Variants in VMP1 observed in about 807,000 individuals in gnomAD.
VMP1 encodes ectopic P-granules autophagy protein 3 homolog.
VMP1 carries 11 observed loss-of-function variants against 56.0 expected under a neutral mutation model. That is an observed-to-expected ratio of 0.20 (90% CI 0.12 to 0.32). The LOEUF is 0.32. Ranked by LOEUF, VMP1 falls within the 10% of genes least tolerant of loss-of-function variation. The pLI is 1.00. For missense variants in VMP1, 296 were observed against 490.3 expected (o/e 0.60, Z 3.74); for synonymous variants, 149 against 165.0 (o/e 0.90, Z 0.74).
chr17:59,821,545 T>G (rs922222444), intron 10 of VMP1, among the ~76,000 whole-genome samples: 2 of 14,378 alleles, frequency 1.4e-4, no homozygotes, highest in Non-Finnish European at 6.2e-4. Context: ...TTTTCTTTTT[T>G]TTTTTTTTTT....
rs1037971297 is a variant in VMP1 at position 59,708,368 on chromosome 17, A to G, written c.-27+620A>G. ...AACCCCGACCTCTATATCTTATTACAGTGGAGGTATTTGCAGTAAAACGTG... is the reference window on the plus strand; with the variant it reads ...AACCCCGACCTCTATATCTTATTACGGTGGAGGTATTTGCAGTAAAACGTG... On this transcript the variant is annotated intron_variant, in intron 1 of 11. Coordinates refer to ENST00000262291, the MANE Select transcript of VMP1 (RefSeq NM_030938.5). 2.6e-5 allele frequency among the ~76,000 whole-genome samples: 4 copies of G among 152,174 alleles called. No homozygotes were observed. In the South Asian group the frequency reaches 6.2e-4, roughly 24 times the overall value.
intron 1 of VMP1, among the ~76,000 whole-genome samples, chr17:59,718,219 C>T (rs1186947203): frequency 3.1e-5 from 3 of 97,096 alleles, no homozygotes; most frequent in East Asian, 6.9e-4. Flanking sequence ...TTTTGTGAGA[C>T]GGAGTCTCGC....
intron 7 of VMP1, among the ~76,000 whole-genome samples, chr17:59,794,255 C>A: frequency 8.3e-6 from 1 of 119,906 alleles, no homozygotes; most frequent in African/African-American, 3.3e-5. Flanking sequence ...CAGAGTCTCA[C>A]TCTGTTGCCC....
intron 6 of VMP1, among the ~76,000 whole-genome samples, chr17:59,772,890 C>T (rs11650106): frequency 0.42 from 62,110 of 149,160 alleles, 14,635 homozygotes; most frequent in Non-Finnish European, 0.53. Context: ...ATTAAAGCAA[C>T]TTCTGAAGTT....
chr17:59,790,641 T>TACTAAAAAAAAAAA (rs1182702076), intron 7 of VMP1, among the ~76,000 whole-genome samples: 1 of 152,058 alleles, frequency 6.6e-6, no homozygotes, highest in East Asian at 1.9e-4. Context: ...AATACAAAAA[T>TACTAAAAAAAAAAA]TAGCCGGGCA....
chr17:59,810,920 G>A (rs1431337076), intron 8 of VMP1, among the ~76,000 whole-genome samples: 2 of 152,176 alleles, frequency 1.3e-5, no homozygotes, highest in Non-Finnish European at 2.9e-5. Flanking sequence ...ATTTTTACAT[G>A]AAATGTCTTT....
At chr17:59,778,197 C>T (rs554905308) in intron 7 of VMP1, among the ~76,000 whole-genome samples, 7 of 152,078 alleles carry the variant, frequency 4.6e-5, no homozygotes, top group African/African-American at 7.2e-5. Context: ...ATTTGGAGTT[C>T]GAGGCTTTCC....
At chr17:59,778,264 G>A (rs1028343183) in intron 7 of VMP1, among the ~76,000 whole-genome samples, 3 of 151,992 alleles carry the variant, frequency 2.0e-5, no homozygotes, top group Admixed American at 2.0e-4. Flanking sequence ...ACTTAAGGCC[G>A]GGCGCAGTGG....
chr17:59,754,618 C>G (rs1186682181), intron 5 of VMP1, among the ~76,000 whole-genome samples: 1 of 152,140 alleles, frequency 6.6e-6, no homozygotes, highest in African/African-American at 2.4e-5. Flanking sequence ...TGACTTGATA[C>G]CAGATGCTTA....
chr17:59,770,789 T>G (rs1186101131), intron 6 of VMP1, among the ~76,000 whole-genome samples: 1 of 151,976 alleles, frequency 6.6e-6, no homozygotes, highest in Non-Finnish European at 1.5e-5. Context: ...ACAATGTTGG[T>G]CAGACTGGTC....
intron 6 of VMP1, among the ~76,000 whole-genome samples, chr17:59,767,855 G>A (rs560283593): frequency 6.6e-6 from 1 of 152,252 alleles, no homozygotes; most frequent in East Asian, 1.9e-4. Flanking sequence ...GCTGGGCATG[G>A]TGGCTCACTC....
At chr17:59,753,212 A>G (rs2035717439) in intron 5 of VMP1, among the ~76,000 whole-genome samples, 1 of 151,988 alleles carries the variant, frequency 6.6e-6, no homozygotes, top group South Asian at 2.1e-4. Flanking sequence ...ACTTGAGCCC[A>G]GGGAGGTTAT....
rs759493482 is a variant in VMP1, at chr17:59,841,387, A to G, written c.*1476A>G. The G allele has an allele frequency of 4.3e-6, 2 of 465,382 alleles. No homozygotes were observed. Among genetic ancestry groups the G allele is most frequent in the Admixed American group, 2.0e-5 (1 of 50,320 alleles). 28.8% of individuals were successfully genotyped at this position (465,382 alleles called of 1,614,324 possible). A position where few individuals can be genotyped will look rare whatever the true frequency, so the allele number is the denominator to read the frequency against. Reference sequence around the variant, plus strand: ...CCATATCCAATGTTCTCATTTAAACATTACCCAGCATCATTGTTTATAATC... The same window carrying G: ...CCATATCCAATGTTCTCATTTAAACGTTACCCAGCATCATTGTTTATAATC... On this transcript the variant is annotated 3_prime_UTR_variant, in exon 12 of 12. Transcript: ENST00000262291.
chr17:59,824,583 A>G (rs1178695115), intron 10 of VMP1, among the ~76,000 whole-genome samples: 1 of 148,736 alleles, frequency 6.7e-6, no homozygotes, highest in Non-Finnish European at 1.5e-5. Context: ...AAAAAAAAAA[A>G]AAAAAAGGAC....
chr17:59,723,500 G>A (rs2034476813), intron 1 of VMP1, among the ~76,000 whole-genome samples: 2 of 152,146 alleles, frequency 1.3e-5, no homozygotes, highest in South Asian at 4.1e-4. Context: ...TTTGGATTTG[G>A]CAAATGGAGG....
At chr17:59,819,429 C>A (rs1394844377) in intron 10 of VMP1, among the ~76,000 whole-genome samples, 1 of 152,100 alleles carries the variant, frequency 6.6e-6, no homozygotes, top group Non-Finnish European at 1.5e-5. Flanking sequence ...TGGCATGAGC[C>A]ACCATGCCTG....
intron 5 of VMP1, among the ~76,000 whole-genome samples, chr17:59,755,688 C>T (rs2035812922): frequency 6.6e-6 from 1 of 151,694 alleles, no homozygotes; most frequent in Non-Finnish European, 1.5e-5. Flanking sequence ...TTAATGCATG[C>T]CCCGGTTACT....
At chr17:59,739,811 C>T (rs2035158360) in intron 5 of VMP1, among the ~76,000 whole-genome samples, 3 of 148,790 alleles carry the variant, frequency 2.0e-5, no homozygotes, top group Non-Finnish European at 3.0e-5. Flanking sequence ...TGCAGTGGCT[C>T]ACACCTGTAA....
At chr17:59,732,209 A>G (rs2034851051) in intron 2 of VMP1, among the ~76,000 whole-genome samples, 1 of 152,134 alleles carries the variant, frequency 6.6e-6, no homozygotes, top group East Asian at 1.9e-4. Flanking sequence ...TTTTAGAGGA[A>G]GTGCAAGGAA....
Sources: gnomAD v4.1 joint callset for allele counts (sites outside exome capture counted in the v4.1 genomes callset) on GRCh38, gnomAD v4.1.1 for gene constraint, MANE v1.5 for transcripts, NCBI Gene and HGNC (gene_info 2026-07-23, HGNC 2026-07-21) for gene names.